Variants in NOL4 observed in about 807,000 individuals in gnomAD.
NOL4 encodes nucleolar protein 4.
NOL4 carries 17 observed loss-of-function variants against 75.9 expected under a neutral mutation model. The observed-to-expected ratio is 0.22, with a 90% confidence interval of 0.15 to 0.34. The LOEUF (loss-of-function observed/expected upper bound fraction) is 0.34. NOL4 is among the 10% of genes least tolerant of loss of function. The probability of loss-of-function intolerance (pLI) is 1.00; values close to 1 mark genes in which losing one functional copy is unlikely to be tolerated. For synonymous variants in NOL4, 292 were observed against 289.9 expected, an observed-to-expected ratio of 1.01 and a Z score of -0.07; for missense variants, 614 against 793.5, an observed-to-expected ratio of 0.77 and a Z score of 2.72.
At chr18:34,157,500 A>G (rs991947727) in intron 1 of NOL4, among the ~76,000 whole-genome samples, 6 of 152,162 alleles carry the variant, frequency 3.9e-5, no homozygotes, top group African/African-American at 9.7e-5. Flanking sequence ...TAGCTCAGAA[A>G]AAAGGTCTAG....
intron 5 of NOL4, among the ~76,000 whole-genome samples, chr18:34,032,065 C>G (rs1367920943): frequency 1.3e-5 from 2 of 152,226 alleles, no homozygotes; most frequent in African/African-American, 4.8e-5. Flanking sequence ...TGGCTCTTGC[C>G]TCTGGGGCTT....
chr18:34,213,969 T>G (rs1189884854), intron 1 of NOL4, among the ~76,000 whole-genome samples: 6 of 152,210 alleles, frequency 3.9e-5, no homozygotes, highest in African/African-American at 1.4e-4. Flanking sequence ...CCATATAGAA[T>G]TCTCCACTTG....
chr18:34,059,419 T>C (rs1338451471), intron 5 of NOL4, among the ~76,000 whole-genome samples: 1 of 151,994 alleles, frequency 6.6e-6, no homozygotes, highest in Non-Finnish European at 1.5e-5. Context: ...GCATATCCTG[T>C]TCCTCACTGA....
intron 8 of NOL4, among the ~76,000 whole-genome samples, chr18:33,955,151 A>G (rs2069549672): frequency 6.6e-6 from 1 of 152,142 alleles, no homozygotes; most frequent in African/African-American, 2.4e-5. Flanking sequence ...CTACATAGGT[A>G]TTATAAAGTT....
chr18:34,086,405 T>C (rs1164534944), intron 5 of NOL4, among the ~76,000 whole-genome samples: 1 of 152,112 alleles, frequency 6.6e-6, no homozygotes, highest in Non-Finnish European at 1.5e-5. Flanking sequence ...CAAGACAACA[T>C]AATCTCTCCA....
chr18:34,023,523 G>A (rs991936118), intron 5 of NOL4: 4 of 455,594 alleles, frequency 8.8e-6, no homozygotes, highest in Admixed American at 2.4e-5. Flanking sequence ...CAGGTTCACT[G>A]GGCCAAGGCG....
In NOL4 at chr18:34,112,939, A is replaced by G. The variant is rs552626757; in HGVS notation, c.415-7779T>C. 7.9e-5 allele frequency among the ~76,000 whole-genome samples: 12 copies of G among 152,318 alleles called. No individual in the cohort carries two copies. In the South Asian group the frequency reaches 2.3e-3, roughly 29 times the overall value. ...TTGCGGTAATAATTTCACAATGTAT[A>G]TGTGTATGAAAACACGTTGTACACC... On this transcript the variant is annotated intron_variant, in intron 2 of 10. Transcript: ENST00000261592.
intron 1 of NOL4, among the ~76,000 whole-genome samples, chr18:34,191,024 G>A (rs1162355631): frequency 6.6e-6 from 1 of 151,980 alleles, no homozygotes; most frequent in African/African-American, 2.4e-5. Flanking sequence ...AAAAATCACT[G>A]AATAAGCAAA....
chr18:33,970,747 G>A (rs536594121), intron 6 of NOL4, among the ~76,000 whole-genome samples: 8 of 151,758 alleles, frequency 5.3e-5, no homozygotes, highest in Admixed American at 3.9e-4. Flanking sequence ...GTGTGTGTGT[G>A]TGTGTATGTG....
intron 5 of NOL4, among the ~76,000 whole-genome samples, chr18:34,058,549 A>C (rs1600430564): frequency 6.6e-6 from 1 of 151,820 alleles, no homozygotes; most frequent in South Asian, 2.1e-4. Flanking sequence ...TACTGGAAAA[A>C]CCCTCACAGA....
intron 6 of NOL4, among the ~76,000 whole-genome samples, chr18:34,005,379 TTTCTC>T (rs1420283781): frequency 6.6e-6 from 1 of 152,064 alleles, no homozygotes; most frequent in Non-Finnish European, 1.5e-5. Flanking sequence ...TCATCACTGT[TTTCTC>T]TTCTTTCATA....
At chr18:33,940,620 C>T (rs2068410776) in intron 9 of NOL4, among the ~76,000 whole-genome samples, 1 of 151,844 alleles carries the variant, frequency 6.6e-6, no homozygotes, top group African/African-American at 2.4e-5. Context: ...ATGGGTGAAG[C>T]AAACCACCAT....
intron 1 of NOL4, among the ~76,000 whole-genome samples, chr18:34,153,824 G>C (rs1390032684): frequency 6.6e-6 from 1 of 152,026 alleles, no homozygotes; most frequent in Non-Finnish European, 1.5e-5. Context: ...CAGCATGGTA[G>C]CTCTGCCATC....
At chr18:34,070,704 CATG>C (rs2077477603) in intron 5 of NOL4, among the ~76,000 whole-genome samples, 2 of 151,862 alleles carry the variant, frequency 1.3e-5, no homozygotes, top group Non-Finnish European at 1.5e-5. Context: ...CACTATAAGA[CATG>C]ATAAGGTAAA....
chr18:33,904,713 T>C (rs759533907), intron 9 of NOL4, among the ~76,000 whole-genome samples: 1 of 152,148 alleles, frequency 6.6e-6, no homozygotes, highest in Non-Finnish European at 1.5e-5. Flanking sequence ...CTGTTAAATA[T>C]GTATGTTTAG....
At chr18:33,906,462 C>T (rs1040316523) in intron 9 of NOL4, among the ~76,000 whole-genome samples, 6 of 152,170 alleles carry the variant, frequency 3.9e-5, no homozygotes, top group African/African-American at 1.4e-4. Context: ...TCTCAACTTA[C>T]TGGCTGTTGT....
In NOL4 at chr18:33,902,664, A is replaced by C. The variant is rs2065811145; in HGVS notation, c.1543-19240T>G. Among the ~76,000 whole-genome samples the C allele has an allele frequency of 2.0e-5, 3 of 152,148 alleles. No homozygotes were observed. In the South Asian group the frequency reaches 6.2e-4, roughly 32 times the overall value. ...TTGATGGAATGTGAGTTCTTTTTTC[A>C]TCAAGTTTGACTTTGAGTCCTTTTT... On this transcript the variant is annotated intron_variant, in intron 9 of 10. Transcript: ENST00000261592.
chr18:33,853,437 G>A (rs945077038), intron 10 of NOL4, among the ~76,000 whole-genome samples: 4 of 151,874 alleles, frequency 2.6e-5, no homozygotes, highest in East Asian at 1.9e-4. Flanking sequence ...ATCTTAGACC[G>A]CATCAATTTG....
chr18:34,099,161 GA>G (rs1458618295), intron 4 of NOL4, among the ~76,000 whole-genome samples: 2 of 151,528 alleles, frequency 1.3e-5, no homozygotes, highest in African/African-American at 4.9e-5. Flanking sequence ...TCAGGAGTTT[GA>G]GACCAGCCTG....
Sources: allele counts gnomAD v4.1 joint callset (sites outside exome capture counted in the v4.1 genomes callset), GRCh38; gene constraint gnomAD v4.1.1; transcripts MANE v1.5; gene names NCBI Gene and HGNC (gene_info 2026-07-23, HGNC 2026-07-21).